The following BTBD9 variants were observed in gnomAD, a reference collection of about 807,000 sequenced individuals.
The protein encoded by BTBD9 is BTB/POZ domain-containing protein 9.
Under a neutral mutation model 64.3 loss-of-function variants are expected in BTBD9, and 49 were observed. The ratio of observed to expected loss-of-function variants is 0.76; its 90% confidence interval spans 0.61 to 0.97. BTBD9 has a LOEUF of 0.97. Ranked by LOEUF, BTBD9 falls within the 50% of genes least tolerant of loss-of-function variation. The pLI is 0.00. For synonymous variants in BTBD9, 260 were observed against 274.7 expected (o/e 0.95, Z 0.53); for missense variants, 598 against 762.1 (o/e 0.78, Z 2.53).
intron 6 of BTBD9, among the ~76,000 whole-genome samples, chr6:38,576,226 G>GA (rs1274661346): frequency 1.3e-5 from 2 of 152,046 alleles, no homozygotes; most frequent in African/African-American, 4.8e-5. Context: ...CTCTATGTGG[G>GA]GGTCCCTCTG....
intron 2 of BTBD9, chr6:38,595,953 T>C (rs1264910078): frequency 2.0e-6 from 2 of 985,376 alleles, no homozygotes; most frequent in East Asian, 2.3e-4. Context: ...GCTTTAAAAG[T>C]GGTTTTGATG....
chr6:38,289,383 T>A lies in BTBD9; in HGVS notation c.1265-922A>T, dbSNP rs180883164. ...GGTGAGACTCCCTCTCAAAAAAAAT[T>A]TTTTTTAATTGATTTTATGTCTAAT... On this transcript the variant is annotated intron_variant, in intron 7 of 10. Transcript: ENST00000481247. Among the ~76,000 whole-genome samples, 64 of 152,206 alleles carry A rather than the reference T, an allele frequency of 4.2e-4. No individual in the cohort carries two copies. The East Asian group carries it at 0.011, about 27-fold the overall frequency.
intron 6 of BTBD9, among the ~76,000 whole-genome samples, chr6:38,443,634 G>GTCTCTCTCTCTCTTTC (rs1350266146): frequency 6.6e-6 from 1 of 151,958 alleles, no homozygotes; most frequent in Non-Finnish European, 1.5e-5. Context: ...CACTCTCTTT[G>GTCTCTCTCTCTCTTTC]TCTCTCTCTC....
chr6:38,217,152 CAAAAAAA>C (rs35599057), intron 9 of BTBD9, among the ~76,000 whole-genome samples: 1 of 121,832 alleles, frequency 8.2e-6, no homozygotes, highest in Non-Finnish European at 1.7e-5. Flanking sequence ...ACTAAGGATA[CAAAAAAA>C]AAAAAAAAAA....
At chr6:38,257,345 G>T (rs1018694876) in intron 8 of BTBD9, among the ~76,000 whole-genome samples, 2 of 151,590 alleles carry the variant, frequency 1.3e-5, no homozygotes, top group African/African-American at 2.4e-5. Context: ...TTACAGGCAT[G>T]CACCACCATG....
At chr6:38,340,672 T>C (rs62397028) in intron 7 of BTBD9, among the ~76,000 whole-genome samples, 2,237 of 152,328 alleles carry the variant, frequency 0.015, 30 homozygotes, top group Non-Finnish European at 0.023. Flanking sequence ...CCTGAGCGAA[T>C]TGTATCTCAG....
rs73423588 is a variant in BTBD9, at chr6:38,193,672, G to A, written c.1563-1075C>T. Among the ~76,000 whole-genome samples the A allele has an allele frequency of 8.6e-3, 1,310 of 152,260 alleles. 25 individuals are homozygous for A. Among genetic ancestry groups the A allele is most frequent in the African/African-American group, 0.03 (1,229 of 41,546 alleles). On this transcript the variant is annotated intron_variant, in intron 9 of 10. Coordinates refer to ENST00000481247, the MANE Select transcript of BTBD9 (RefSeq NM_001099272.2). ...ACTGTAAACTCCAATAATATTTTCT[G>A]TAATAAATGTGAGGAGTTCACAGTT...
chr6:38,360,793 CTG>C (rs1764921759), intron 6 of BTBD9, among the ~76,000 whole-genome samples: 1 of 151,184 alleles, frequency 6.6e-6, no homozygotes, highest in African/African-American at 2.4e-5. Context: ...CAGGGTGTGG[CTG>C]TGAGGAGAAC....
intron 6 of BTBD9, among the ~76,000 whole-genome samples, chr6:38,557,414 G>A (rs979358397): frequency 1.3e-5 from 2 of 152,136 alleles, no homozygotes; most frequent in African/African-American, 4.8e-5. Flanking sequence ...CAGTCCCAGC[G>A]GTTATGTTCT....
chr6:38,214,263 G>A (rs889749008), intron 9 of BTBD9, among the ~76,000 whole-genome samples: 1 of 152,136 alleles, frequency 6.6e-6, no homozygotes, highest in African/African-American at 2.4e-5. Flanking sequence ...GCAAGGATGG[G>A]CTTTCTCTGC....
intron 6 of BTBD9, among the ~76,000 whole-genome samples, chr6:38,374,296 T>TACACAC (rs1491482634): frequency 4.2e-5 from 3 of 70,652 alleles, no homozygotes; most frequent in African/African-American, 2.8e-4. Context: ...TATATATATA[T>TACACAC]GTATATATAT....
chr6:38,364,522 A>T (rs552034120), intron 6 of BTBD9, among the ~76,000 whole-genome samples: 1 of 152,346 alleles, frequency 6.6e-6, no homozygotes, highest in East Asian at 1.9e-4. Flanking sequence ...TTTGCTTTAA[A>T]TATTTATGAT....
intron 10 of BTBD9, among the ~76,000 whole-genome samples, chr6:38,191,068 C>T (rs1762055500): frequency 6.6e-6 from 1 of 152,090 alleles, no homozygotes; most frequent in Non-Finnish European, 1.5e-5. Flanking sequence ...TGTTTATGAC[C>T]TGGTGTTTAT....
At chr6:38,636,573 T>C (rs1263630375) in intron 1 of BTBD9, among the ~76,000 whole-genome samples, 1 of 152,228 alleles carries the variant, frequency 6.6e-6, no homozygotes, top group Non-Finnish European at 1.5e-5. Flanking sequence ...GTCATAAATG[T>C]AGAGATTTTA....
At chr6:38,621,290 G>T (rs551925936) in intron 1 of BTBD9, among the ~76,000 whole-genome samples, 1 of 152,172 alleles carries the variant, frequency 6.6e-6, no homozygotes, top group Non-Finnish European at 1.5e-5. Context: ...CTTCAAATAC[G>T]CACATGTGCG....
intron 7 of BTBD9, among the ~76,000 whole-genome samples, chr6:38,302,721 A>T (rs891194754): frequency 6.6e-6 from 1 of 151,790 alleles, no homozygotes; most frequent in South Asian, 2.1e-4. Context: ...GAACTTCCAT[A>T]CTGTTTTCCA....
At position 38,391,870 on chromosome 6, in the gene BTBD9, C is replaced by T. The variant is rs114948374; in HGVS notation, c.1155-46777G>A. ...TCTCTCTCATTAAACAGTAGCTGAT[C>T]GATCGGCAACTTGCTCAAAATCCAC... On this transcript the variant is annotated intron_variant, in intron 6 of 10. Transcript: ENST00000481247. Among the ~76,000 whole-genome samples, 911 of 152,280 alleles carry T rather than the reference C, an allele frequency of 6.0e-3. 11 individuals are homozygous for T. Among genetic ancestry groups the T allele is most frequent in the African/African-American group, 0.018 (748 of 41,556 alleles).
chr6:38,271,099 A>C (rs1765182951), intron 8 of BTBD9, among the ~76,000 whole-genome samples: 1 of 152,234 alleles, frequency 6.6e-6, no homozygotes, highest in African/African-American at 2.4e-5. Context: ...TACAACTTGC[A>C]AAGAAATATA....
intron 7 of BTBD9, among the ~76,000 whole-genome samples, chr6:38,344,486 T>C (rs1024803962): frequency 5.3e-5 from 8 of 152,178 alleles, no homozygotes; most frequent in Non-Finnish European, 1.2e-4. Flanking sequence ...TGGAGGCACT[T>C]TTGTGAGTTG....
Sources: gnomAD v4.1 joint callset for allele counts (sites outside exome capture counted in the v4.1 genomes callset) on GRCh38, gnomAD v4.1.1 for gene constraint, MANE v1.5 for transcripts, NCBI Gene and HGNC (gene_info 2026-07-23, HGNC 2026-07-21) for gene names.